The following FOXN3 variants were observed in gnomAD, a reference collection of about 807,000 sequenced individuals.
FOXN3 encodes the protein forkhead box N3, also known as forkhead box protein N3.
In FOXN3, 7 loss-of-function variants were observed where a neutral mutation model predicts 38.4. The observed-to-expected ratio is 0.18, with a 90% confidence interval of 0.10 to 0.34. The LOEUF (loss-of-function observed/expected upper bound fraction) is 0.34. FOXN3 is among the 10% of genes least tolerant of loss of function. The pLI, the probability that FOXN3 is intolerant of heterozygous loss-of-function variation, is 1.00. For synonymous variants in FOXN3, 230 were observed against 242.2 expected, an observed-to-expected ratio of 0.95 and a Z score of 0.47; for missense variants, 456 against 613.4, an observed-to-expected ratio of 0.74 and a Z score of 2.71.
intron 1 of FOXN3, among the ~76,000 whole-genome samples, chr14:89,449,497 T>C (rs1212419972): frequency 6.6e-6 from 1 of 152,220 alleles, no homozygotes; most frequent in African/African-American, 2.4e-5. Flanking sequence ...AATTTAATAG[T>C]TCAACATGTC....
rs915644733 is a variant in FOXN3, at chr14:89,412,905, G to A, written c.-14-415C>T. 6.6e-6 allele frequency among the ~76,000 whole-genome samples: 1 copy of A among 152,008 alleles called. No individual in the cohort carries two copies. The highest frequency in any genetic ancestry group is 1.9e-4 in the East Asian group (1 of 5,196). On this transcript the variant is annotated intron_variant, in intron 1 of 5. Transcript: ENST00000557258. The surrounding 1 kb of genome is among the most constrained non-coding windows in gnomAD (Gnocchi z 4.7). ...ACAGAAGAAAAGCAAGTAACTTCAG[G>A]TACCACACAGAATACATGGGAATGT...
chr14:89,562,323 C>T (rs1042207302), intron 1 of FOXN3, among the ~76,000 whole-genome samples: 14 of 152,004 alleles, frequency 9.2e-5, no homozygotes, highest in South Asian at 4.2e-4. Flanking sequence ...TACAGTGGCG[C>T]GATCTTGACT....
intron 4 of FOXN3, among the ~76,000 whole-genome samples, chr14:89,216,980 C>G (rs1340128531): frequency 6.6e-6 from 1 of 152,170 alleles, no homozygotes; most frequent in African/African-American, 2.4e-5. Flanking sequence ...GCCCTTCCCC[C>G]AGCCTGGCCC....
intron 1 of FOXN3, among the ~76,000 whole-genome samples, chr14:89,508,445 G>C (rs1893993702): frequency 6.6e-6 from 1 of 152,144 alleles, no homozygotes; most frequent in Non-Finnish European, 1.5e-5. Flanking sequence ...TCAGCTCCCA[G>C]AGGCACCTTC....
At chr14:89,448,886 G>A (rs1892562012) in intron 1 of FOXN3, among the ~76,000 whole-genome samples, 1 of 151,974 alleles carries the variant, frequency 6.6e-6, no homozygotes, top group Non-Finnish European at 1.5e-5. Context: ...AGGCTGTAGT[G>A]AGAGCTGTGA....
chr14:89,500,308 T>C (rs1893769872), intron 1 of FOXN3, among the ~76,000 whole-genome samples: 3 of 152,158 alleles, frequency 2.0e-5, no homozygotes, highest in Admixed American at 2.0e-4. Context: ...CCTAAGAGGC[T>C]CCTGTGATCT....
intron 1 of FOXN3, among the ~76,000 whole-genome samples, chr14:89,508,470 C>T (rs1893994206): frequency 6.6e-6 from 1 of 152,220 alleles, no homozygotes; most frequent in African/African-American, 2.4e-5. Flanking sequence ...TCTACACCAC[C>T]CCAGAGAGAG....
At chr14:89,488,695 A>T (rs1893504297) in intron 1 of FOXN3, among the ~76,000 whole-genome samples, 1 of 152,136 alleles carries the variant, frequency 6.6e-6, no homozygotes, top group African/African-American at 2.4e-5. Context: ...AGAGGGAAGA[A>T]CCGCAACTGC....
rs1356030986 is a variant in FOXN3 at position 89,163,922 on chromosome 14, C to CT, written c.852-954dup. Among the ~76,000 whole-genome samples, 2 of 152,240 alleles carry CT rather than the reference C, an allele frequency of 1.3e-5. No homozygotes were observed. Among genetic ancestry groups the CT allele is most frequent in the African/African-American group, 4.8e-5 (2 of 41,454 alleles). Reference sequence around the variant, plus strand: ...TGATTTCCCTATAACAAGGTCCCTGCTACCCATGCCTATAAGGCGTCTGTA... The same window carrying CT: ...TGATTTCCCTATAACAAGGTCCCTGCTTACCCATGCCTATAAGGCGTCTGTA... On this transcript the variant is annotated intron_variant, in intron 5 of 5. Transcript: ENST00000557258. This position sits in a 1 kb window ranked among gnomAD's most constrained non-coding sequence, Gnocchi z 4.3.
intron 3 of FOXN3, among the ~76,000 whole-genome samples, chr14:89,321,975 T>C (rs1174694350): frequency 1.3e-5 from 2 of 152,192 alleles, no homozygotes; most frequent in Non-Finnish European, 2.9e-5. Flanking sequence ...AAGAATCTTT[T>C]AGGTCCTATA....
chr14:89,554,209 C>A (rs543325865), intron 1 of FOXN3, among the ~76,000 whole-genome samples: 4 of 152,132 alleles, frequency 2.6e-5, no homozygotes, highest in Non-Finnish European at 5.9e-5. Flanking sequence ...ACCAAGTTGG[C>A]CAGGCTGGTC....
intron 1 of FOXN3, among the ~76,000 whole-genome samples, chr14:89,528,408 T>TTTTTTTTTTTTTG (rs1566687721): frequency 1.0e-5 from 1 of 98,972 alleles, no homozygotes; most frequent in African/African-American, 3.5e-5. Context: ...TTTTTTTTTT[T>TTTTTTTTTTTTTG]TGAAAAAGAA....
At chr14:89,509,021 AC>A (rs1894003790) in intron 1 of FOXN3, among the ~76,000 whole-genome samples, 1 of 151,348 alleles carries the variant, frequency 6.6e-6, no homozygotes, top group Non-Finnish European at 1.5e-5. Flanking sequence ...CCTGCTATCT[AC>A]CCCCAGCCTC....
At chr14:89,505,890 CCGTCTGGGATGTGAGGAGCG>C (rs1893913197) in intron 1 of FOXN3, among the ~76,000 whole-genome samples, 2 of 149,672 alleles carry the variant, frequency 1.3e-5, no homozygotes, top group Non-Finnish European at 3.0e-5. Context: ...CCCTGCCGCC[CCGTCTGGGATGTGAGGAGCG>C]TCTCTGCCCG....
intron 4 of FOXN3, among the ~76,000 whole-genome samples, chr14:89,218,402 T>C (rs889866954): frequency 6.6e-6 from 1 of 152,238 alleles, no homozygotes; most frequent in African/African-American, 2.4e-5. Flanking sequence ...TCCCTTGCCT[T>C]TTCCCTAAAG....
intron 1 of FOXN3, among the ~76,000 whole-genome samples, chr14:89,423,292 A>T (rs1464183741): frequency 2.0e-5 from 3 of 152,230 alleles, no homozygotes; most frequent in African/African-American, 4.8e-5. Context: ...CAAGGTTCTT[A>T]ACTTCTTTCT....
chr14:89,169,141 A>C (rs1441861157), intron 5 of FOXN3, among the ~76,000 whole-genome samples: 1 of 152,184 alleles, frequency 6.6e-6, no homozygotes, highest in Non-Finnish European at 1.5e-5. Flanking sequence ...AGCAGAAATG[A>C]TCAGTACAGA....
At chr14:89,359,141 A>G in intron 2 of FOXN3, among the ~76,000 whole-genome samples, 1 of 151,970 alleles carries the variant, frequency 6.6e-6, no homozygotes, top group African/African-American at 2.4e-5. Context: ...CTAAAAATAC[A>G]AAAAATTAGC....
intron 1 of FOXN3, among the ~76,000 whole-genome samples, chr14:89,464,142 C>T (rs535604677): frequency 6.6e-6 from 1 of 152,278 alleles, no homozygotes; most frequent in Admixed American, 6.5e-5. Flanking sequence ...GAGTGGATCC[C>T]AGTCTCCTCC....
Sources: gnomAD v4.1 joint callset for allele counts (sites outside exome capture counted in the v4.1 genomes callset) on GRCh38, gnomAD v4.1.1 for gene constraint, Gnocchi (gnomAD v3.1) non-coding constraint, MANE v1.5 for transcripts, NCBI Gene and HGNC (gene_info 2026-07-23, HGNC 2026-07-21) for gene names.